The following ACAD9 variants were observed in gnomAD, a reference collection of about 807,000 sequenced individuals.
ACAD9 encodes complex I assembly factor ACAD9, mitochondrial.
In ACAD9, 53 loss-of-function variants were observed where a neutral mutation model predicts 70.2. The observed-to-expected ratio is 0.75, with a 90% CI of 0.61 to 0.95. ACAD9 has a LOEUF of 0.95. Ranked by LOEUF, ACAD9 falls within the 40% of genes least tolerant of loss-of-function variation. The pLI, the probability that ACAD9 is intolerant of heterozygous loss-of-function variation, is 0.00. For missense variants in ACAD9, 777 were observed against 802.8 expected (o/e 0.97, Z 0.39); for synonymous variants, 313 against 312.1 (o/e 1.00, Z -0.03).
At chr3:128,894,872 ATTTTT>A (rs138817276) in intron 3 of ACAD9, among the ~76,000 whole-genome samples, 4 of 105,410 alleles carry the variant, frequency 3.8e-5, no homozygotes, top group African/African-American at 7.8e-5. Flanking sequence ...CTGTATTGTG[ATTTTT>A]TTTTTTTTTT....
Position 128,899,356 on chromosome 3 carries a change from G to A in ACAD9, c.703G>A (p.Asp235Asn), listed in dbSNP as rs777227636. 6.2e-7 allele frequency: 1 copy of A among 1,614,270 alleles called. No individual in the cohort carries two copies. Among genetic ancestry groups the A allele is most frequent in the South Asian group, 1.1e-5 (1 of 91,092 alleles). ...TGCAAAGACTGAGGTCGTTGATTCT[G>A]ATGGATCAGTGAAAGACAAAATCAC... The part of the protein sequence containing the change: ...VFAKTEVVDS[D>N]GSVKDKITAF... Residue 235 changes from aspartate to asparagine, a missense_variant, in exon 7 of 18, where the codon GAT (aspartate) becomes AAT (asparagine). Coordinates refer to ENST00000308982, the MANE Select transcript of ACAD9 (RefSeq NM_014049.5).
At chr3:128,884,144 C>T (rs974060678) in intron 1 of ACAD9, among the ~76,000 whole-genome samples, 1 of 152,220 alleles carries the variant, frequency 6.6e-6, no homozygotes, top group Admixed American at 6.5e-5. Flanking sequence ...CATCTTTGAG[C>T]TCACACAATA....
chr3:128,882,652 G>A (rs1576327984), intron 1 of ACAD9, among the ~76,000 whole-genome samples: 1 of 152,228 alleles, frequency 6.6e-6, no homozygotes, highest in Non-Finnish European at 1.5e-5. Context: ...GAAGTTGAGT[G>A]GGTGGGATTT....
At chr3:128,904,542 G>A in intron 11 of ACAD9, 37 bp downstream of exon 11, 1 of 1,604,850 alleles carries the variant, frequency 6.2e-7, no homozygotes, top group African/African-American at 1.3e-5. Context: ...GCGCTGGAGG[G>A]AGGCTTGGGA....
rs564538080 is a variant in ACAD9 at position 128,886,733 on chromosome 3, A to G, written c.244+1987A>G. ...CAAAAAGAAAAAAAAAAGAAAAGTAAGTTAAAAAAAAAAAAAGAAAAAAAT... is the reference window on the plus strand; with the variant it reads ...CAAAAAGAAAAAAAAAAGAAAAGTAGGTTAAAAAAAAAAAAAGAAAAAAAT... On this transcript the variant is annotated intron_variant, in intron 2 of 17. Transcript: ENST00000308982. 2.0e-5 allele frequency among the ~76,000 whole-genome samples: 3 copies of G among 150,394 alleles called. No individual in the cohort carries two copies. In the East Asian group the frequency reaches 5.9e-4, roughly 29 times the overall value.
chr3:128,900,076 C>T (rs1448363239), intron 7 of ACAD9, among the ~76,000 whole-genome samples: 2 of 152,014 alleles, frequency 1.3e-5, no homozygotes, highest in African/African-American at 2.4e-5. Context: ...GGACTACAGG[C>T]GTGCACCACC....
chr3:128,908,188 A>C lies in ACAD9; in HGVS notation c.1282A>C (p.Thr428Pro), dbSNP rs755563326. 6.2e-7 allele frequency: 1 copy of C among 1,614,102 alleles called. No homozygotes were observed. The highest frequency in any genetic ancestry group is 1.1e-5 in the South Asian group (1 of 91,088). Residue 428 changes from threonine (T) to proline (P), a missense_variant, in exon 13 of 18, where the codon ACC (threonine) becomes CCC (proline). Physicochemically the swap from Thr to Pro is conservative, Grantham distance 38 (BLOSUM62 -1). Coordinates refer to ENST00000308982, the MANE Select transcript of ACAD9 (RefSeq NM_014049.5). ...DTRILLIFEG[T>P]NEILRMYIAL... ...ACCTCTACACTACTGACCACAGGGA[A>C]CCAATGAGATTCTCCGGATGTACAT...
At chr3:128,898,726 C>A (rs375111631) in intron 6 of ACAD9, among the ~76,000 whole-genome samples, 56 of 152,278 alleles carry the variant, frequency 3.7e-4, no homozygotes, top group African/African-American at 1.3e-3. Flanking sequence ...TATCAGCATT[C>A]AAATATCCCT....
intron 1 of ACAD9, among the ~76,000 whole-genome samples, chr3:128,882,161 C>T (rs1256988118): frequency 1.3e-5 from 2 of 152,120 alleles, no homozygotes; most frequent in East Asian, 1.9e-4. Flanking sequence ...ACTACAGGCA[C>T]GCCCTGCCAC....
At position 128,879,747 on chromosome 3, in the gene ACAD9, G is replaced by T. The variant is rs779957523; in HGVS notation, c.56G>T (p.Gly19Val). Residue 19 changes from glycine (G) to valine (V), a missense_variant, in exon 1 of 18, where the codon GGT (glycine) becomes GTT (valine). Gly to Val is a moderately radical substitution (Grantham distance 109). Transcript: ENST00000308982. ...ACGGCTGCGGCTCGTGCCTGCCGGG[G>T]TCTGGTGGTCTCTACCGCGAACCGG... is the stretch of plus-strand genomic sequence containing the variant. ...RTTAAARACRGLVVSTANRRL... is the reference protein window; with the variant it reads ...RTTAAARACRVLVVSTANRRL... 100 of 1,613,226 alleles carry T rather than the reference G, an allele frequency of 6.2e-5. No individual in the cohort carries two copies. Among genetic ancestry groups the T allele is most frequent in the Non-Finnish European group, 7.9e-5 (93 of 1,180,006 alleles).
intron 11 of ACAD9, 58 bp downstream of exon 11, chr3:128,904,563 A>T: frequency 6.3e-7 from 1 of 1,586,478 alleles, no homozygotes; most frequent in South Asian, 1.1e-5. Context: ...AATCTCCCTC[A>T]CTGTGACCTT....
At chr3:128,911,776 C>T (rs1414774242) in intron 17 of ACAD9, among the ~76,000 whole-genome samples, 2 of 152,212 alleles carry the variant, frequency 1.3e-5, no homozygotes, top group African/African-American at 2.4e-5. Context: ...GGGGAAGGCT[C>T]ACGAAGGGAG....
At chr3:128,885,820 C>T (rs1935227271) in intron 2 of ACAD9, among the ~76,000 whole-genome samples, 1 of 152,026 alleles carries the variant, frequency 6.6e-6, no homozygotes, top group Admixed American at 6.5e-5. Flanking sequence ...AGTTCAAGAC[C>T]AGCGTAGCCA....
In ACAD9 at chr3:128,899,316, T is replaced by C; in HGVS notation, c.663T>C (p.Asn221=). 1 of 1,614,270 alleles carries C rather than the reference T, an allele frequency of 6.2e-7. No individual in the cohort carries two copies. Among genetic ancestry groups the C allele is most frequent in the Non-Finnish European group, 8.5e-7 (1 of 1,180,044 alleles). ...KVWITNGGLA[N]IFTVFAKTEV... is the part of the protein sequence containing the mutation. ...GGATTACTAATGGAGGACTGGCCAA[T>C]ATTTTTACTGTGTTTGCAAAGACTG... is the stretch of plus-strand genomic sequence containing the variant. Residue 221 remains asparagine, a synonymous_variant, in exon 7 of 18, where the codon AAT becomes AAC. Coordinates refer to ENST00000308982, the MANE Select transcript of ACAD9 (RefSeq NM_014049.5).
In ACAD9 at chr3:128,879,668, T is replaced by C. The variant is rs367958178; in HGVS notation, c.-24T>C. On this transcript the variant is annotated 5_prime_UTR_variant, in exon 1 of 18. Coordinates refer to ENST00000308982, the MANE Select transcript of ACAD9 (RefSeq NM_014049.5). ...GGCGCTAAGAAGGGGAGACTGAGGC[T>C]GAGGCTGGGGAACATCGGGCAGCAT... 2.0e-5 allele frequency: 32 copies of C among 1,611,720 alleles called. No homozygotes were observed. The African/African-American group carries it at 3.6e-4, about 18-fold the overall frequency.
chr3:128,894,154 A>C (rs1167424621), intron 3 of ACAD9, among the ~76,000 whole-genome samples: 1 of 152,212 alleles, frequency 6.6e-6, no homozygotes, highest in Non-Finnish European at 1.5e-5. Flanking sequence ...TAGACCACAC[A>C]CATGTGTGCC....
chr3:128,890,428 C>G (rs1045417600), intron 2 of ACAD9, among the ~76,000 whole-genome samples: 1 of 152,060 alleles, frequency 6.6e-6, no homozygotes, highest in Non-Finnish European at 1.5e-5. Context: ...TTTGGCTGGG[C>G]GCAGTGGCTC....
At chr3:128,907,694 G>A (rs1256915314) in intron 12 of ACAD9, among the ~76,000 whole-genome samples, 1 of 152,248 alleles carries the variant, frequency 6.6e-6, no homozygotes, top group African/African-American at 2.4e-5. Flanking sequence ...GCCTCTCACT[G>A]ATCAGAATCA....
intron 1 of ACAD9, chr3:128,880,106 G>C (rs1935043568): frequency 7.8e-6 from 10 of 1,278,878 alleles, no homozygotes; most frequent in Non-Finnish European, 8.5e-6. Flanking sequence ...GAAAACTCTA[G>C]GCTAGGTAAT....
Sources: gnomAD v4.1 joint callset for allele counts (sites outside exome capture counted in the v4.1 genomes callset) on GRCh38, gnomAD v4.1.1 for gene constraint, MANE v1.5 for transcripts, NCBI Gene and HGNC (gene_info 2026-07-23, HGNC 2026-07-21) for gene names.